Variants in CCNH observed in about 807,000 individuals in gnomAD.
The protein encoded by CCNH is cyclin-H.
CCNH carries 31 observed loss-of-function variants against 41.9 expected under a neutral mutation model. The ratio of observed to expected loss-of-function variants is 0.74; its 90% CI spans 0.56 to 1.00. CCNH has a LOEUF of 1.00. Ranked by LOEUF, CCNH falls within the 50% of genes least tolerant of loss-of-function variation. The pLI is 0.00. For synonymous variants in CCNH, 138 were observed against 136.1 expected, an observed-to-expected ratio of 1.01 and a Z score of -0.10; for missense variants, 362 against 388.4, an observed-to-expected ratio of 0.93 and a Z score of 0.57.
At chr5:87,393,689 G>GGTGAT (rs1762690327), downstream of CCNH, 1 of 152,138 alleles carries the variant, frequency 6.6e-6, no homozygotes, top group African/African-American at 2.4e-5. Context: ...ATAAGGCTGT[G>GGTGAT]GTGATGTGTG....
At chr5:87,409,404 A>C (rs751829655) in intron 2 of CCNH, 41 bp from the exon 3 acceptor site, 1 of 1,101,460 alleles carries the variant, frequency 9.1e-7, no homozygotes, top group Non-Finnish European at 1.4e-6. Context: ...TCTAGTCACA[A>C]ATGTTAAATG....
At chr5:87,385,061 T>C (rs902703617) in intron 9 of CCNH, among the ~76,000 whole-genome samples, 8 of 152,114 alleles carry the variant, frequency 5.3e-5, no homozygotes, top group Non-Finnish European at 8.8e-5. Context: ...GTAGTACCCT[T>C]TTCGCAAGCC....
chr5:87,408,252 T>C (rs1224538054), intron 3 of CCNH, 66 bp from the exon 4 acceptor site: 3 of 726,906 alleles, frequency 4.1e-6, no homozygotes, highest in African/African-American at 3.5e-5. Context: ...GCATATACTT[T>C]GAGAAGTATC....
chr5:87,403,323 T>A (rs942361630), intron 5 of CCNH, among the ~76,000 whole-genome samples: 1 of 152,206 alleles, frequency 6.6e-6, no homozygotes, highest in Admixed American at 6.5e-5. Context: ...AATTTCAATT[T>A]TGCCTTCCTG....
At chr5:87,391,446 G>T, downstream of CCNH, 1 of 241,438 alleles carries the variant, frequency 4.1e-6, no homozygotes, top group Admixed American at 5.0e-5. Flanking sequence ...AAAATACTCT[G>T]CTATTTCTCT....
downstream of CCNH, chr5:87,392,785 A>C (rs1426245132): frequency 6.4e-6 from 1 of 155,750 alleles, no homozygotes; most frequent in Non-Finnish European, 1.4e-5. Context: ...TAGGCCCTCT[A>C]GTAACTAGCT....
At chr5:87,374,465 T>A (rs1486961169), downstream of CCNH, 113 of 318,338 alleles carry the variant, frequency 3.5e-4, no homozygotes, top group African/African-American at 2.3e-3. Flanking sequence ...ATATATTTTT[T>A]TTTTTTTTTT....
downstream of CCNH, chr5:87,389,564 C>CAAAG: frequency 1.2e-6 from 2 of 1,606,882 alleles, no homozygotes; most frequent in South Asian, 1.1e-5. Context: ...AATGATGTTT[C>CAAAG]AAAGATAACA....
At chr5:87,364,833 A>G (rs1341549644) in intron 9 of CCNH, among the ~76,000 whole-genome samples, 1 of 152,108 alleles carries the variant, frequency 6.6e-6, no homozygotes, top group Non-Finnish European at 1.5e-5. Flanking sequence ...CTCTCAACCA[A>G]TTTTTAGTTC....
intron 9 of CCNH, among the ~76,000 whole-genome samples, chr5:87,359,763 C>T (rs1261565900): frequency 2.6e-5 from 4 of 152,168 alleles, no homozygotes; most frequent in South Asian, 4.2e-4. Context: ...ACAAATAATT[C>T]GCATCACCAA....
chr5:87,359,076 A>G (rs1759875371), intron 9 of CCNH, among the ~76,000 whole-genome samples: 1 of 152,204 alleles, frequency 6.6e-6, no homozygotes, highest in Admixed American at 6.5e-5. Flanking sequence ...TTAGAATACA[A>G]GTTCCATGAG....
At chr5:87,386,247 AAG>A (rs2112515583) in intron 9 of CCNH, among the ~76,000 whole-genome samples, 1 of 152,136 alleles carries the variant, frequency 6.6e-6, no homozygotes, top group South Asian at 2.1e-4. Context: ...CTGATTTTAA[AAG>A]AGTGTGTTAA....
chr5:87,394,534 A>ATTGTT (rs1204363059), intron 8 of CCNH, 50 bp from the exon 9 acceptor site: 3 of 1,608,060 alleles, frequency 1.9e-6, no homozygotes, highest in Non-Finnish European at 2.5e-6. Flanking sequence ...CATAACCAGT[A>ATTGTT]TTGTTTACCT....
At chr5:87,391,498 C>T (rs1039532096), downstream of CCNH, 5 of 237,842 alleles carry the variant, frequency 2.1e-5, no homozygotes, top group Non-Finnish European at 4.2e-5. Flanking sequence ...TGATCTATTG[C>T]TCATCAGCTT....
At chr5:87,329,819 CTAAA>C (rs1318277142) in intron 9 of CCNH, among the ~76,000 whole-genome samples, 1 of 152,082 alleles carries the variant, frequency 6.6e-6, no homozygotes, top group Non-Finnish European at 1.5e-5. Flanking sequence ...ATTTTCACAA[CTAAA>C]TAAACTCATA....
At chr5:87,404,148 T>C (rs1763621120) in intron 5 of CCNH, among the ~76,000 whole-genome samples, 1 of 152,168 alleles carries the variant, frequency 6.6e-6, no homozygotes, top group Admixed American at 6.5e-5. Context: ...CTGGTGTATA[T>C]ATTATGAAAT....
chr5:87,331,904 G>A (rs1226643026), intron 9 of CCNH, among the ~76,000 whole-genome samples: 3 of 151,974 alleles, frequency 2.0e-5, no homozygotes, highest in Non-Finnish European at 4.4e-5. Context: ...TCGCAGACAT[G>A]CACTTCAGTG....
At chr5:87,389,440 G>A, downstream of CCNH, 2 of 1,614,156 alleles carry the variant, frequency 1.2e-6, no homozygotes, top group South Asian at 2.2e-5. Flanking sequence ...GAACGGACCT[G>A]TCCCGTGATT....
chr5:87,325,764 T>C (rs1757186574), intron 9 of CCNH, among the ~76,000 whole-genome samples: 1 of 152,238 alleles, frequency 6.6e-6, no homozygotes, highest in Admixed American at 6.5e-5. Context: ...TTCTGTTGTG[T>C]AGTAGACAGT....
Sources: gnomAD v4.1 joint callset for allele counts (sites outside exome capture counted in the v4.1 genomes callset) on GRCh38, gnomAD v4.1.1 for gene constraint, MANE v1.5 for transcripts, NCBI Gene and HGNC (gene_info 2026-07-23, HGNC 2026-07-21) for gene names.